The following AFF3 variants were observed in gnomAD, a reference collection of about 807,000 sequenced individuals.
AFF3 encodes AF4/FMR2 family member 3.
In AFF3, 32 loss-of-function variants were observed where a neutral mutation model predicts 129.7. The ratio of observed to expected loss-of-function variants is 0.25; its 90% CI spans 0.19 to 0.33. The LOEUF (loss-of-function observed/expected upper bound fraction) is 0.33. Among genes scored for constraint, AFF3 ranks in the 10% least tolerant of loss-of-function variants. AFF3 has a pLI of 1.00. For synonymous variants in AFF3, 644 were observed against 635.4 expected (o/e 1.01, Z -0.20); for missense variants, 1,373 against 1,592.0 (o/e 0.86, Z 2.34).
At chr2:99,643,822 T>G (rs1684442442) in intron 13 of AFF3, among the ~76,000 whole-genome samples, 1 of 152,224 alleles carries the variant, frequency 6.6e-6, no homozygotes, top group Non-Finnish European at 1.5e-5. Context: ...GAGGTGAAAC[T>G]CCCTTAGTTT....
At chr2:99,964,021 A>T (rs1259255512) in intron 7 of AFF3, among the ~76,000 whole-genome samples, 1 of 152,116 alleles carries the variant, frequency 6.6e-6, no homozygotes, top group Non-Finnish European at 1.5e-5. Flanking sequence ...AATACTAAAG[A>T]CAAAGAAGAA....
intron 4 of AFF3, among the ~76,000 whole-genome samples, chr2:100,103,304 CTT>C (rs1157857428): frequency 6.6e-6 from 1 of 151,462 alleles, no homozygotes; most frequent in Non-Finnish European, 1.5e-5. Flanking sequence ...CATGTGAACT[CTT>C]TACTGAATTA....
In AFF3 at chr2:99,668,988, C is replaced by G. The variant is rs559112523; in HGVS notation, c.1143+3550G>C. 4.6e-5 allele frequency among the ~76,000 whole-genome samples: 7 copies of G among 152,328 alleles called. No homozygotes were observed. In the East Asian group the frequency reaches 1.3e-3, roughly 29 times the overall value. On this transcript the variant is annotated intron_variant, in intron 12 of 24. Coordinates refer to ENST00000672756, the MANE Select transcript of AFF3 (RefSeq NM_001386135.1). ...AAAGACAGTATAAAACAGAAAACTT[C>G]CAACTAATATCCCTCATGAACATTA... is the stretch of plus-strand genomic sequence containing the variant.
At chr2:99,878,022 A>G (rs970227043) in intron 7 of AFF3, among the ~76,000 whole-genome samples, 13 of 152,206 alleles carry the variant, frequency 8.5e-5, no homozygotes, top group African/African-American at 2.9e-4. Context: ...ACATGATACT[A>G]TCAGTCAGCT....
chr2:99,946,883 A>G (rs1359653482), intron 7 of AFF3, among the ~76,000 whole-genome samples: 3 of 152,202 alleles, frequency 2.0e-5, no homozygotes, highest in African/African-American at 7.2e-5. Context: ...TAAGGCAGTG[A>G]CTATGTCTTT....
At chr2:99,559,866 C>G (rs1287869086) in intron 21 of AFF3, among the ~76,000 whole-genome samples, 1 of 152,264 alleles carries the variant, frequency 6.6e-6, no homozygotes, top group Non-Finnish European at 1.5e-5. Flanking sequence ...ATTCTATCAA[C>G]ATTCTCTGCC....
intron 13 of AFF3, among the ~76,000 whole-genome samples, chr2:99,621,917 C>T (rs12620982): frequency 0.23 from 34,373 of 151,924 alleles, 4,645 homozygotes; most frequent in African/African-American, 0.38. Flanking sequence ...ACGCAGGCCA[C>T]GGGGAGGAAC....
intron 11 of AFF3, among the ~76,000 whole-genome samples, chr2:99,698,767 A>C (rs1171336865): frequency 6.6e-6 from 1 of 152,216 alleles, no homozygotes; most frequent in Non-Finnish European, 1.5e-5. Context: ...ACCTTAGAGA[A>C]ACCTTGTATT....
At chr2:99,975,677 G>A (rs1021300781) in intron 7 of AFF3, among the ~76,000 whole-genome samples, 1 of 150,586 alleles carries the variant, frequency 6.6e-6, no homozygotes, top group African/African-American at 2.4e-5. Context: ...GATGGGGTGA[G>A]TAACACATGA....
intron 7 of AFF3, among the ~76,000 whole-genome samples, chr2:99,843,584 C>T (rs774981127): frequency 6.6e-6 from 1 of 152,166 alleles, no homozygotes; most frequent in Non-Finnish European, 1.5e-5. Context: ...AGCTCAGCTT[C>T]AATACTCAAT....
At chr2:99,560,864 CCT>C (rs1299884468) in intron 20 of AFF3, among the ~76,000 whole-genome samples, 2 of 152,174 alleles carry the variant, frequency 1.3e-5, no homozygotes, top group South Asian at 2.1e-4. Context: ...TAGATTTACC[CCT>C]CTTTCTTTGT....
At chr2:100,059,609 T>C (rs1687092059) in intron 4 of AFF3, among the ~76,000 whole-genome samples, 1 of 152,212 alleles carries the variant, frequency 6.6e-6, no homozygotes, top group Admixed American at 6.5e-5. Flanking sequence ...AGATGAGGTG[T>C]ATGGTATGTG....
chr2:99,981,882 CATGTT>C (rs2104512961), intron 7 of AFF3, among the ~76,000 whole-genome samples: 1 of 152,318 alleles, frequency 6.6e-6, no homozygotes, highest in East Asian at 1.9e-4. Context: ...TAATCAGATG[CATGTT>C]ATGTTCTTGT....
chr2:99,712,360 T>C (rs565896278), intron 11 of AFF3, among the ~76,000 whole-genome samples: 1 of 152,276 alleles, frequency 6.6e-6, no homozygotes, highest in South Asian at 2.1e-4. Context: ...TCCTCATCTG[T>C]AAATTGAGGA....
At chr2:99,908,610 A>T (rs1437779605) in intron 7 of AFF3, among the ~76,000 whole-genome samples, 1 of 152,344 alleles carries the variant, frequency 6.6e-6, no homozygotes, top group East Asian at 1.9e-4. Context: ...CCTAAAATGA[A>T]CTCAAACAAA....
chr2:99,766,574 A>C (rs992109903), intron 8 of AFF3, among the ~76,000 whole-genome samples: 2 of 152,312 alleles, frequency 1.3e-5, no homozygotes, highest in South Asian at 2.1e-4. Flanking sequence ...CCTTTTTCAG[A>C]AATAAGGTTA....
intron 4 of AFF3, among the ~76,000 whole-genome samples, chr2:100,029,819 C>T (rs1263184362): frequency 6.6e-6 from 1 of 152,172 alleles, no homozygotes; most frequent in Admixed American, 6.5e-5. Context: ...AATCTGAGAA[C>T]TTTGGGAGAC....
At chr2:99,926,918 C>CA (rs765371378) in intron 7 of AFF3, among the ~76,000 whole-genome samples, 18 of 152,130 alleles carry the variant, frequency 1.2e-4, no homozygotes, top group Non-Finnish European at 1.8e-4. Flanking sequence ...TGTAAATCTC[C>CA]AAAAAATCTG....
At chr2:99,896,456 T>A (rs1278060123) in intron 7 of AFF3, among the ~76,000 whole-genome samples, 1 of 151,800 alleles carries the variant, frequency 6.6e-6, no homozygotes, top group Non-Finnish European at 1.5e-5. Context: ...GAGTCTCTGG[T>A]TCTTGGAGTT....
Sources: allele counts gnomAD v4.1 joint callset (sites outside exome capture counted in the v4.1 genomes callset), GRCh38; gene constraint gnomAD v4.1.1; transcripts MANE v1.5; gene names NCBI Gene and HGNC (gene_info 2026-07-23, HGNC 2026-07-21).